PCDH11X: variants seen among roughly 807,000 people sequenced by gnomAD.
PCDH11X encodes protocadherin 11 X-linked, also known as protocadherin-11 X-linked.
Under a neutral mutation model 53.3 loss-of-function variants are expected in PCDH11X, and 18 were observed. That is an observed-to-expected ratio of 0.34 (90% CI 0.23 to 0.50). The LOEUF (loss-of-function observed/expected upper bound fraction) is 0.50. Among genes scored for constraint, PCDH11X ranks in the 20% least tolerant of loss-of-function variants. PCDH11X has a pLI of 0.98. For synonymous variants in PCDH11X, 279 were observed against 393.3 expected (o/e 0.71, Z 3.44); for missense variants, 570 against 1,032.4 (o/e 0.55, Z 6.14).
At chrX:92,520,153 C>A (rs1210726349) in intron 10 of PCDH11X, among the ~76,000 whole-genome samples, 4 of 109,864 alleles carry the variant, frequency 3.6e-5, no homozygotes, top group Non-Finnish European at 7.6e-5. Context: ...AATAAGCATA[C>A]CTCGACGATA....
At chrX:92,507,044 G>T (rs187029451) in intron 10 of PCDH11X, among the ~76,000 whole-genome samples, 122 of 110,666 alleles carry the variant, frequency 1.1e-3, no homozygotes, top group African/African-American at 3.6e-3. Context: ...TCTCTGTGTT[G>T]TATGTCTCTG....
chrX:92,132,114 A>T (rs371450389), intron 6 of PCDH11X, among the ~76,000 whole-genome samples: 3 of 95,627 alleles, frequency 3.1e-5, no homozygotes, highest in East Asian at 6.4e-4. Context: ...TCTACTAAAA[A>T]TACAAAAAAA....
chrX:91,844,210 T>C (rs185564229), intron 5 of PCDH11X, among the ~76,000 whole-genome samples: 4,875 of 111,372 alleles, frequency 0.044, 129 homozygotes, highest in Non-Finnish European at 0.063. Flanking sequence ...CCATACATGT[T>C]TTATGTATGT....
intron 6 of PCDH11X, among the ~76,000 whole-genome samples, chrX:92,029,284 G>A (rs73630155): frequency 0.033 from 3,657 of 110,699 alleles, 154 homozygotes; most frequent in African/African-American, 0.12. Flanking sequence ...ACCACCTCCC[G>A]TGGGTAATGA....
intron 6 of PCDH11X, among the ~76,000 whole-genome samples, chrX:92,150,256 A>T (rs748445929): frequency 9.0e-6 from 1 of 111,453 alleles, no homozygotes; most frequent in South Asian, 3.7e-4. Context: ...CCTTGCCAAC[A>T]TTTGGTATGG....
At chrX:92,260,645 A>G (rs143575791) in intron 7 of PCDH11X, among the ~76,000 whole-genome samples, 1 of 110,886 alleles carries the variant, frequency 9.0e-6, no homozygotes, top group South Asian at 3.8e-4. Context: ...TGGGGCAACT[A>G]TCAGTGGAAC....
intron 10 of PCDH11X, among the ~76,000 whole-genome samples, chrX:92,561,256 C>T (rs1393700809): frequency 9.3e-6 from 1 of 107,897 alleles, no homozygotes; most frequent in South Asian, 4.3e-4. Flanking sequence ...TGAACTTGTA[C>T]GAGCATCAAC....
At chrX:92,495,994 A>G (rs1487078855) in intron 10 of PCDH11X, among the ~76,000 whole-genome samples, 1 of 101,868 alleles carries the variant, frequency 9.8e-6, no homozygotes, top group Non-Finnish European at 1.9e-5. Flanking sequence ...AATACTGAAC[A>G]TATTTATTAT....
chrX:91,852,609 G>T (rs879081194), intron 5 of PCDH11X, among the ~76,000 whole-genome samples: 1 of 111,250 alleles, frequency 9.0e-6, no homozygotes, highest in Non-Finnish European at 1.9e-5. Flanking sequence ...AATTTTCATT[G>T]TGTTGGCCTA....
chrX:92,011,959 T>C (rs2062699035), intron 6 of PCDH11X, among the ~76,000 whole-genome samples: 1 of 111,131 alleles, frequency 9.0e-6, no homozygotes, highest in Non-Finnish European at 1.9e-5. Context: ...GTTTTTTATA[T>C]ATTTTTAACT....
chrX:92,162,755 C>T (rs2065665401), intron 6 of PCDH11X, among the ~76,000 whole-genome samples: 2 of 101,971 alleles, frequency 2.0e-5, no homozygotes, highest in East Asian at 6.5e-4. Flanking sequence ...ATGAAATGGA[C>T]TCTGTGAGGG....
intron 10 of PCDH11X, among the ~76,000 whole-genome samples, chrX:92,558,861 A>C (rs1301518796): frequency 1.8e-5 from 2 of 110,824 alleles, no homozygotes; most frequent in South Asian, 3.8e-4. Context: ...TTAAGATATT[A>C]ATTGCTATGT....
intron 10 of PCDH11X, among the ~76,000 whole-genome samples, chrX:92,475,840 A>G (rs1371675752): frequency 3.6e-5 from 4 of 111,640 alleles, no homozygotes; most frequent in East Asian, 2.8e-4. Flanking sequence ...TGAGGCTGTT[A>G]TCTAGATTCT....
At chrX:92,334,020 G>A (rs1229974678) in intron 8 of PCDH11X, among the ~76,000 whole-genome samples, 1 of 111,219 alleles carries the variant, frequency 9.0e-6, no homozygotes, top group Non-Finnish European at 1.9e-5. Context: ...TATGGATCCA[G>A]TTATACGTTG....
intron 10 of PCDH11X, among the ~76,000 whole-genome samples, chrX:92,613,247 A>G (rs1483591454): frequency 9.1e-6 from 1 of 110,446 alleles, no homozygotes; most frequent in Non-Finnish European, 1.9e-5. Flanking sequence ...TATGATTTCT[A>G]TGTTTAGAAC....
chrX:91,847,275 C>T (rs1937734185), intron 5 of PCDH11X, among the ~76,000 whole-genome samples: 1 of 110,682 alleles, frequency 9.0e-6, no homozygotes, highest in Non-Finnish European at 1.9e-5. Context: ...AATCAATTCC[C>T]CTGCCTCAGC....
At chrX:92,136,715 G>C (rs2065089000) in intron 6 of PCDH11X, among the ~76,000 whole-genome samples, 1 of 108,134 alleles carries the variant, frequency 9.2e-6, no homozygotes, top group Admixed American at 1.0e-4. Context: ...CCCTGTTGTA[G>C]ATAGAGCCTT....
intron 8 of PCDH11X, among the ~76,000 whole-genome samples, chrX:92,339,477 C>T (rs1024133402): frequency 4.5e-5 from 5 of 111,217 alleles, no homozygotes; most frequent in African/African-American, 9.8e-5. Context: ...ATTTAATTGG[C>T]TTATGGTTCC....
chrX:92,384,315 T>G (rs2522774), intron 8 of PCDH11X, among the ~76,000 whole-genome samples: 43,803 of 108,336 alleles, frequency 0.4, 7,303 homozygotes, highest in Non-Finnish European at 0.49. Context: ...ATGTTGTAAA[T>G]TTTTTATATA....
Sources: gnomAD v4.1 joint callset for allele counts (sites outside exome capture counted in the v4.1 genomes callset) on GRCh38, gnomAD v4.1.1 for gene constraint, MANE v1.5 for transcripts, NCBI Gene and HGNC (gene_info 2026-07-23, HGNC 2026-07-21) for gene names.